NID2: variants seen among roughly 807,000 people sequenced by gnomAD.
NID2 encodes the protein nidogen 2, also known as nidogen-2.
In NID2, 83 loss-of-function variants were observed where a neutral mutation model predicts 145.4. The ratio of observed to expected loss-of-function variants is 0.57; its 90% CI spans 0.48 to 0.69. NID2 has a LOEUF of 0.69. Among genes scored for constraint, NID2 ranks in the 30% least tolerant of loss-of-function variants. NID2 has a pLI of 0.00. For missense variants in NID2, 1,807 were observed against 1,765.7 expected (o/e 1.02, Z -0.42); for synonymous variants, 739 against 701.3 (o/e 1.05, Z -0.85).
chr14:52,051,980 G>A (rs1049206802), intron 5 of NID2, among the ~76,000 whole-genome samples: 1 of 152,126 alleles, frequency 6.6e-6, no homozygotes, highest in African/African-American at 2.4e-5. Flanking sequence ...AGGGTGTGCA[G>A]TCCCTTCTTA....
At chr14:52,006,123 T>C (rs1457721367) in intron 20 of NID2, 3 of 459,230 alleles carry the variant, frequency 6.5e-6, no homozygotes, top group Non-Finnish European at 4.0e-6. Context: ...AGTTCCTCAT[T>C]TGAGAACTAG....
chr14:52,053,763 G>C lies in NID2; in HGVS notation c.1245C>G (p.Pro415=). Reference sequence around the variant, plus strand: ...GGTAGGGCTGGATGCTTCCGTTTTCGGGGTACGGTGGTGGGGTTTCCCAGG... The same window carrying C: ...GGTAGGGCTGGATGCTTCCGTTTTCCGGGTACGGTGGTGGGGTTTCCCAGG... ...APSWETPPPY[P]ENGSIQPYPD... is the part of the protein sequence containing the mutation. Residue 415 remains proline (P), a synonymous_variant, in exon 5 of 22, where the codon CCC becomes CCG. Coordinates refer to ENST00000216286, the MANE Select transcript of NID2 (RefSeq NM_007361.4). The C allele has an allele frequency of 1.2e-6, 2 of 1,614,226 alleles. No homozygotes were observed. The highest frequency in any genetic ancestry group is 1.7e-6 in the Non-Finnish European group (2 of 1,180,038).
intron 12 of NID2, among the ~76,000 whole-genome samples, chr14:52,023,429 T>G (rs994280028): frequency 4.6e-5 from 7 of 151,800 alleles, no homozygotes; most frequent in African/African-American, 1.7e-4. Context: ...CCCTCCAGCC[T>G]GGGTGATAAA....
chr14:52,018,246 C>T (rs1891283555), intron 14 of NID2, among the ~76,000 whole-genome samples: 1 of 152,236 alleles, frequency 6.6e-6, no homozygotes, highest in African/African-American at 2.4e-5. Flanking sequence ...CTTTGGATAG[C>T]AAGCTGTGTC....
chr14:52,031,225 G>A (rs1891859531), intron 9 of NID2, among the ~76,000 whole-genome samples: 1 of 152,178 alleles, frequency 6.6e-6, no homozygotes, highest in South Asian at 2.1e-4. Context: ...GCACTTCTGT[G>A]TACTTCTGAG....
Position 52,023,901 on chromosome 14 carries a change from G to T in NID2, c.2674+3300C>A, listed in dbSNP as rs573821659. On this transcript the variant is annotated intron_variant, in intron 12 of 21. Coordinates refer to ENST00000216286, the MANE Select transcript of NID2 (RefSeq NM_007361.4). The stretch of plus-strand genomic sequence containing the variant: ...AGAAAAACTCCCACACCCCCTTATT[G>T]TTAGTTTGATGGAGTAAAAGAGCAT... 3.9e-5 allele frequency among the ~76,000 whole-genome samples: 6 copies of T among 152,192 alleles called. No individual in the cohort carries two copies. In the East Asian group the frequency reaches 9.7e-4, roughly 25 times the overall value.
At chr14:52,061,824 G>T (rs1893029221) in intron 2 of NID2, among the ~76,000 whole-genome samples, 1 of 152,204 alleles carries the variant, frequency 6.6e-6, no homozygotes, top group African/African-American at 2.4e-5. Context: ...TTCTCAAAAA[G>T]CTGTTATGTT....
chr14:52,006,443 G>A (rs920303733), intron 20 of NID2, 94 bp downstream of exon 20: 4 of 1,441,392 alleles, frequency 2.8e-6, no homozygotes, highest in Admixed American at 3.9e-5. Context: ...AGGGCTTAAT[G>A]AGTCAAGTCA....
At chr14:52,006,400 G>T in intron 20 of NID2, 137 bp downstream of exon 20, 2 of 859,596 alleles carry the variant, frequency 2.3e-6, no homozygotes, top group South Asian at 1.7e-5. Context: ...GATCTTATCT[G>T]CCAATGAGGA....
At chr14:52,054,347 T>A (rs753842801) in intron 3 of NID2, 26 bp from the exon 4 acceptor site, 2 of 1,586,172 alleles carry the variant, frequency 1.3e-6, no homozygotes, top group South Asian at 2.3e-5. Flanking sequence ...ACAGTCATTG[T>A]AACAAATGTA....
intron 3 of NID2, among the ~76,000 whole-genome samples, chr14:52,056,431 G>C (rs943708174): frequency 6.6e-6 from 1 of 152,162 alleles, no homozygotes; most frequent in African/African-American, 2.4e-5. Context: ...GGAAAATTGG[G>C]TTACAAAATG....
intron 7 of NID2, 111 bp downstream of exon 7, chr14:52,041,994 C>T (rs1892296037): frequency 7.4e-7 from 1 of 1,351,778 alleles, no homozygotes. Context: ...GGCTCTAGTA[C>T]ATTAAACAAG....
chr14:52,027,116 G>C (rs1030821658), intron 12 of NID2, 85 bp downstream of exon 12: 1 of 1,319,338 alleles, frequency 7.6e-7, no homozygotes, highest in African/African-American at 1.5e-5. Context: ...GAAGTCCTTT[G>C]TCTTTTCTGG....
intron 20 of NID2, 128 bp from the exon 21 acceptor site, chr14:52,005,977 T>C: frequency 3.0e-6 from 2 of 672,774 alleles, no homozygotes; most frequent in Admixed American, 2.2e-5. Context: ...GGGCTGGTGC[T>C]AAAGCCATAC....
chr14:52,026,947 A>C (rs61971556), intron 12 of NID2, among the ~76,000 whole-genome samples: 49 of 152,192 alleles, frequency 3.2e-4, no homozygotes, highest in Non-Finnish European at 5.7e-4. Flanking sequence ...CAAGGAACCA[A>C]GGTTAGAAGC....
intron 8 of NID2, among the ~76,000 whole-genome samples, chr14:52,039,458 C>T (rs574000558): frequency 2.6e-5 from 4 of 152,352 alleles, no homozygotes; most frequent in East Asian, 1.9e-4. Context: ...TCCAACACCT[C>T]GCACTTCAGT....
chr14:52,060,220 C>G lies in NID2; in HGVS notation c.671G>C (p.Arg224Pro). 1 of 1,614,040 alleles carries G rather than the reference C, an allele frequency of 6.2e-7. No homozygotes were observed. Among genetic ancestry groups the G allele is most frequent in the Admixed American group, 1.7e-5 (1 of 60,008 alleles). Residue 224 changes from arginine (R) to proline (P), a missense_variant, in exon 3 of 22, where the codon CGG becomes CCG. Coordinates refer to ENST00000216286, the MANE Select transcript of NID2 (RefSeq NM_007361.4). ...SYNVQLQLPA[R>P]VGFCRGEADD... The stretch of plus-strand genomic sequence containing the variant: ...AGCCTCCCCTCGGCAGAAGCCCACC[C>G]GAGCTGGAAGCTGAAGCTGGACATT...
chr14:52,050,965 C>A (rs553780497), intron 5 of NID2, among the ~76,000 whole-genome samples: 69 of 152,282 alleles, frequency 4.5e-4, no homozygotes, highest in Non-Finnish European at 8.5e-4. Context: ...GACAGGTACA[C>A]GGCAGGTGCT....
chr14:52,035,074 G>A (rs557605740), intron 9 of NID2, among the ~76,000 whole-genome samples: 2 of 152,216 alleles, frequency 1.3e-5, no homozygotes, highest in African/African-American at 4.8e-5. Context: ...TCAACATTGT[G>A]CATTAGTGTG....
Sources: gnomAD v4.1 joint callset for allele counts (sites outside exome capture counted in the v4.1 genomes callset) on GRCh38, gnomAD v4.1.1 for gene constraint, MANE v1.5 for transcripts, NCBI Gene and HGNC (gene_info 2026-07-23, HGNC 2026-07-21) for gene names.